HK2: variants seen among roughly 807,000 people sequenced by gnomAD.
HK2 encodes hexokinase 2.
In HK2, 42 loss-of-function variants were observed where a neutral mutation model predicts 92.9. That is an observed-to-expected ratio of 0.45 (90% CI 0.35 to 0.58). The LOEUF (loss-of-function observed/expected upper bound fraction) is 0.58. Among genes scored for constraint, HK2 ranks in the 20% least tolerant of loss-of-function variants. The probability of loss-of-function intolerance (pLI) is 0.00; values close to 1 mark genes in which losing one functional copy is unlikely to be tolerated. For missense variants in HK2, 978 were observed against 1,245.1 expected, an observed-to-expected ratio of 0.79 and a Z score of 3.23; for synonymous variants, 422 against 468.0, an observed-to-expected ratio of 0.90 and a Z score of 1.27.
chr2:74,846,718 G>C (rs1688449799), intron 1 of HK2, among the ~76,000 whole-genome samples: 1 of 152,184 alleles, frequency 6.6e-6, no homozygotes, highest in Non-Finnish European at 1.5e-5. Flanking sequence ...GCAGCAGCGT[G>C]ATCATGGCTC....
rs1688116754 is a variant in HK2 at position 74,834,925 on chromosome 2, C to T, written c.63+282C>T. On this transcript the variant is annotated intron_variant, in intron 1 of 17. Coordinates refer to ENST00000290573, the MANE Select transcript of HK2 (RefSeq NM_000189.5). This position sits in a 1 kb window ranked among gnomAD's most constrained non-coding sequence, Gnocchi z 4.2. ...GCTCTCTCCCCCAGTCCCTTTTTCCCTGTTACTGGAGGGGCGGGTCACCCC... is the reference window on the plus strand; with the variant it reads ...GCTCTCTCCCCCAGTCCCTTTTTCCTTGTTACTGGAGGGGCGGGTCACCCC... 6.6e-6 allele frequency among the ~76,000 whole-genome samples: 1 copy of T among 152,218 alleles called. No homozygotes were observed. Among genetic ancestry groups the T allele is most frequent in the Admixed American group, 6.5e-5 (1 of 15,286 alleles).
chr2:74,884,101 CA>C (rs1276943290), intron 12 of HK2, among the ~76,000 whole-genome samples: 2 of 152,134 alleles, frequency 1.3e-5, no homozygotes, highest in African/African-American at 4.8e-5. Context: ...CTTTTCATGC[CA>C]ACAGGTTATA....
chr2:74,845,455 A>G (rs1175118391), intron 1 of HK2, among the ~76,000 whole-genome samples: 1 of 152,234 alleles, frequency 6.6e-6, no homozygotes, highest in Non-Finnish European at 1.5e-5. Context: ...CGGGTGTCCC[A>G]AATGCCCATC....
intron 1 of HK2, among the ~76,000 whole-genome samples, chr2:74,846,455 G>A (rs1032206): frequency 0.7 from 105,758 of 152,102 alleles, 37,103 homozygotes; most frequent in African/African-American, 0.78. Context: ...CCACCATCAA[G>A]TGTAATCACT....
chr2:74,884,537 G>C (rs1689475395), intron 12 of HK2, among the ~76,000 whole-genome samples: 1 of 152,234 alleles, frequency 6.6e-6, no homozygotes, highest in East Asian at 1.9e-4. Flanking sequence ...TGGTCAGCCA[G>C]CTCTCTGAGG....
intron 1 of HK2, among the ~76,000 whole-genome samples, chr2:74,849,386 A>G (rs1003417873): frequency 6.6e-6 from 1 of 152,176 alleles, no homozygotes; most frequent in Non-Finnish European, 1.5e-5. Flanking sequence ...ATCAACTAAC[A>G]GTGCTATCTC....
chr2:74,862,278 G>C lies in HK2; in HGVS notation c.227-5358G>C, dbSNP rs957410021. Among the ~76,000 whole-genome samples, 10 of 152,342 alleles carry C rather than the reference G, an allele frequency of 6.6e-5. No individual in the cohort carries two copies. The East Asian group carries it at 1.7e-3, about 26-fold the overall frequency. On this transcript the variant is annotated intron_variant, in intron 2 of 17. Transcript: ENST00000290573. ...GGCCAGCCAAATTGCTAATGCCTGG[G>C]CTTTTAAGCACACCACCAGTGGCAC...
chr2:74,885,880 A>T (rs1689517746), intron 13 of HK2, among the ~76,000 whole-genome samples: 2 of 151,732 alleles, frequency 1.3e-5, no homozygotes, highest in East Asian at 3.9e-4. Flanking sequence ...ACACACACAC[A>T]CACACAGTAA....
chr2:74,855,472 G>A (rs901752533), intron 2 of HK2, among the ~76,000 whole-genome samples: 2 of 151,958 alleles, frequency 1.3e-5, no homozygotes, highest in African/African-American at 2.4e-5. Context: ...TTTTGACCTC[G>A]TACCCGCCCA....
chr2:74,868,893 A>C (rs888048773), intron 3 of HK2, among the ~76,000 whole-genome samples: 4 of 152,252 alleles, frequency 2.6e-5, no homozygotes, highest in Non-Finnish European at 5.9e-5. Flanking sequence ...TCCTGACAAC[A>C]TGCAGGGGCC....
rs1440879206 is a variant in HK2 at position 74,872,467 on chromosome 2, A to G, written c.495+48A>G. On this transcript the variant is annotated intron_variant, in intron 4 of 17. Transcript: ENST00000290573. ...TTGTTGCTTCACTCTTGGGGCTGGG[A>G]GGGCTGAGAGGGACTTCTGAGCCAC... 5.8e-5 allele frequency: 93 copies of G among 1,610,408 alleles called. No homozygotes were observed. In the East Asian group the frequency reaches 2.1e-3, roughly 36 times the overall value.
chr2:74,881,892 C>G, intron 11 of HK2, 33 bp downstream of exon 11: 1 of 1,611,140 alleles, frequency 6.2e-7, no homozygotes, highest in African/African-American at 1.3e-5. Context: ...GAGGGGGCCC[C>G]TGGTGGACGT....
intron 10 of HK2, among the ~76,000 whole-genome samples, chr2:74,881,386 T>G (rs1689387596): frequency 1.3e-5 from 2 of 152,206 alleles, no homozygotes; most frequent in African/African-American, 2.4e-5. Flanking sequence ...GGCAAGTGAT[T>G]TAACTATCAG....
chr2:74,881,658 C>T lies in HK2; in HGVS notation c.1571-53C>T, dbSNP rs1689394540. 34 of 1,593,806 alleles carry T rather than the reference C, an allele frequency of 2.1e-5. 1 individual carries two copies. The South Asian group carries it at 3.3e-4, about 16-fold the overall frequency. ...TGGATCGTTTTAAGTGTACTGTCTC[C>T]ACATTCCCCATGTTCTGCCCCAACT... On this transcript the variant is annotated intron_variant, in intron 10 of 17. Coordinates refer to ENST00000290573, the MANE Select transcript of HK2 (RefSeq NM_000189.5).
chr2:74,837,613 C>T (rs927297853), intron 1 of HK2, among the ~76,000 whole-genome samples: 2 of 151,952 alleles, frequency 1.3e-5, no homozygotes, highest in Non-Finnish European at 2.9e-5. Context: ...GCCTCATCTT[C>T]CTCTCCATCC....
intron 2 of HK2, among the ~76,000 whole-genome samples, chr2:74,863,158 G>A (rs542429891): frequency 6.6e-6 from 1 of 152,330 alleles, no homozygotes; most frequent in South Asian, 2.1e-4. Context: ...TGGGTAAAAA[G>A]AGCACCAGAG....
At chr2:74,860,067 AACAG>A (rs1382434347) in intron 2 of HK2, among the ~76,000 whole-genome samples, 5 of 152,264 alleles carry the variant, frequency 3.3e-5, no homozygotes, top group African/African-American at 7.2e-5. Context: ...ACAGCTCCAA[AACAG>A]ACAAATACCG....
intron 3 of HK2, 126 bp downstream of exon 3, chr2:74,867,910 C>T (rs1269271717): frequency 9.1e-7 from 1 of 1,104,048 alleles, no homozygotes; most frequent in African/African-American, 1.5e-5. Flanking sequence ...TGGATGCCAG[C>T]ACAGCTGTAA....
At chr2:74,875,709 T>C (rs1042950891) in intron 7 of HK2, among the ~76,000 whole-genome samples, 6 of 152,214 alleles carry the variant, frequency 3.9e-5, no homozygotes, top group Admixed American at 3.3e-4. Flanking sequence ...AGTCCTTTAC[T>C]TGAAATTTCT....
Sources: allele counts gnomAD v4.1 joint callset (sites outside exome capture counted in the v4.1 genomes callset), GRCh38; gene constraint gnomAD v4.1.1; non-coding constraint Gnocchi (gnomAD v3.1); transcripts MANE v1.5; gene names NCBI Gene and HGNC (gene_info 2026-07-23, HGNC 2026-07-21).